The following CHD6 variants were observed in gnomAD, a reference collection of about 807,000 sequenced individuals.
CHD6 encodes the protein ATP-dependent chromatin remodeler CHD6.
Under a neutral mutation model 276.9 loss-of-function variants are expected in CHD6, and 50 were observed. The ratio of observed to expected loss-of-function variants is 0.18; its 90% CI spans 0.14 to 0.23. CHD6 has a LOEUF of 0.23. CHD6 is among the 10% of genes least tolerant of loss of function. The probability of loss-of-function intolerance (pLI) is 1.00; values close to 1 mark genes in which losing one functional copy is unlikely to be tolerated. For missense variants in CHD6, 2,564 were observed against 3,365.8 expected, an observed-to-expected ratio of 0.76 and a Z score of 5.89; for synonymous variants, 1,173 against 1,229.3, an observed-to-expected ratio of 0.95 and a Z score of 0.96.
At chr20:41,432,345 C>T (rs1405815068) in intron 27 of CHD6, among the ~76,000 whole-genome samples, 3 of 152,086 alleles carry the variant, frequency 2.0e-5, no homozygotes, top group East Asian at 3.9e-4. Context: ...AGTGGGAGCT[C>T]AGACTTCTAC....
At position 41,403,547 on chromosome 20, in the gene CHD6, G is replaced by C; in HGVS notation, c.*1046C>G. On this transcript the variant is annotated 3_prime_UTR_variant, in exon 37 of 37. Coordinates refer to ENST00000373233, the MANE Select transcript of CHD6 (RefSeq NM_032221.5). ...AATGGAGAAGTAACTTTTCATAGCT[G>C]TATTATAAAGGGTGGCACACATTTG... 2 of 1,063,198 alleles carry C rather than the reference G, an allele frequency of 1.9e-6. No individual in the cohort carries two copies. The highest frequency in any genetic ancestry group is 2.3e-6 in the Non-Finnish European group (2 of 877,924). 65.9% of individuals were successfully genotyped at this position (1,063,198 alleles called of 1,614,324 possible).
intron 1 of CHD6, among the ~76,000 whole-genome samples, chr20:41,566,339 G>A (rs886089924): frequency 1.3e-5 from 2 of 152,162 alleles, no homozygotes; most frequent in African/African-American, 4.8e-5. Flanking sequence ...CAGTGAGATA[G>A]TGAGGGAAGG....
intron 14 of CHD6, 97 bp downstream of exon 14, chr20:41,487,568 T>C: frequency 3.3e-6 from 4 of 1,217,604 alleles, no homozygotes; most frequent in Non-Finnish European, 1.2e-6. Flanking sequence ...ACCAGGAACG[T>C]GACAACTTGC....
At chr20:41,468,842 T>C (rs923922864) in intron 17 of CHD6, among the ~76,000 whole-genome samples, 10 of 151,758 alleles carry the variant, frequency 6.6e-5, no homozygotes, top group African/African-American at 2.2e-4. Flanking sequence ...TGTTGAAACC[T>C]CTTCTCTACA....
Position 41,426,151 on chromosome 20 carries a change from C to T in CHD6, c.4071G>A (p.Glu1357=). Residue 1357 remains glutamate (E), a splice_region_variant and synonymous_variant, in exon 28 of 37, where the codon GAG becomes GAA. Coordinates refer to ENST00000373233, the MANE Select transcript of CHD6 (RefSeq NM_032221.5). ...CGCCATCACCTCCATCACTGGAACT[C>T]TCCTAGGGATAAATAAAGCCATCCC... is the stretch of plus-strand genomic sequence containing the variant. ...DKVDGLQKQT[E]SSSDGGDGVF... The T allele has an allele frequency of 1.2e-6, 2 of 1,612,118 alleles. No homozygotes were observed.
At chr20:41,440,193 C>G (rs373090948) in intron 25 of CHD6, 64 bp from the exon 26 acceptor site, 2 of 1,478,582 alleles carry the variant, frequency 1.4e-6, no homozygotes, top group Non-Finnish European at 1.9e-6. Flanking sequence ...GCTTTGGGCA[C>G]TAGTCTTTTT....
intron 25 of CHD6, among the ~76,000 whole-genome samples, chr20:41,444,950 TTC>T (rs996950031): frequency 3.7e-4 from 56 of 152,204 alleles, no homozygotes; most frequent in African/African-American, 1.4e-3. Flanking sequence ...ATTTTAAAAT[TTC>T]TGTTGATTCA....
intron 16 of CHD6, among the ~76,000 whole-genome samples, chr20:41,474,948 C>T (rs2145790393): frequency 6.6e-6 from 1 of 152,198 alleles, no homozygotes; most frequent in African/African-American, 2.4e-5. Context: ...TTTGTTTCCT[C>T]TTTATTTAAA....
chr20:41,487,557 TA>T, intron 14 of CHD6, 107 bp downstream of exon 14: 1 of 1,088,380 alleles, frequency 9.2e-7, no homozygotes, highest in South Asian at 1.6e-5. Flanking sequence ...ACGCTCATTT[TA>T]CCAGGAACGT....
chr20:41,500,515 C>T, intron 5 of CHD6, among the ~76,000 whole-genome samples: 1 of 152,154 alleles, frequency 6.6e-6, no homozygotes, highest in East Asian at 1.9e-4. Context: ...AGAAGTTAAT[C>T]CAAAACCACA....
rs2044740413 is a variant in CHD6 at position 41,533,394 on chromosome 20, G to A, written c.210C>T (p.Thr70=). Residue 70 remains threonine (T), a synonymous_variant, in exon 3 of 37, where the codon ACC becomes ACT. Transcript: ENST00000373233. ...GGGATGTCATTTTCCTAGGAAAAAGGGTAGCAGCTTCCTCTTCAGCAGTAT... is the reference window on the plus strand; with the variant it reads ...GGGATGTCATTTTCCTAGGAAAAAGAGTAGCAGCTTCCTCTTCAGCAGTAT... ...DLYTAEEEAA[T]LFPRKMTSHN... 4 of 1,613,992 alleles carry A rather than the reference G, an allele frequency of 2.5e-6. No homozygotes were observed. Among genetic ancestry groups the A allele is most frequent in the Non-Finnish European group, 3.4e-6 (4 of 1,180,000 alleles).
chr20:41,528,450 A>G (rs906928873), intron 3 of CHD6, among the ~76,000 whole-genome samples: 10 of 152,226 alleles, frequency 6.6e-5, no homozygotes, highest in African/African-American at 2.4e-4. Flanking sequence ...TAGTATAAAC[A>G]TATGAGTTAT....
At chr20:41,442,666 GC>G (rs772450072) in intron 25 of CHD6, among the ~76,000 whole-genome samples, 15 of 152,172 alleles carry the variant, frequency 9.9e-5, no homozygotes, top group Non-Finnish European at 2.1e-4. Context: ...TATCTGAGAA[GC>G]TGTCACCTGG....
chr20:41,520,868 G>C (rs1046668333), intron 3 of CHD6, among the ~76,000 whole-genome samples: 2 of 151,914 alleles, frequency 1.3e-5, no homozygotes, highest in African/African-American at 4.8e-5. Flanking sequence ...GATTTCTAAA[G>C]ATATTTAAGT....
chr20:41,598,677 T>A (rs1345325701), intron 1 of CHD6, among the ~76,000 whole-genome samples: 1 of 152,200 alleles, frequency 6.6e-6, no homozygotes. Flanking sequence ...CAGGTACCAA[T>A]GTCAATTTCA....
chr20:41,413,593 G>A (rs1316498295), intron 34 of CHD6, 78 bp from the exon 35 acceptor site: 2 of 1,232,228 alleles, frequency 1.6e-6, no homozygotes, highest in Non-Finnish European at 2.2e-6. Context: ...CATGTAAGGT[G>A]TTATTTGAAT....
At chr20:41,518,401 T>C (rs2044302748) in intron 3 of CHD6, among the ~76,000 whole-genome samples, 1 of 152,158 alleles carries the variant, frequency 6.6e-6, no homozygotes, top group Non-Finnish European at 1.5e-5. Context: ...CCTCAAAATA[T>C]GACACTTCAC....
intron 7 of CHD6, chr20:41,497,922 C>T: frequency 2.0e-6 from 1 of 488,398 alleles, no homozygotes. Context: ...CCTTGGGCCC[C>T]ACTGAGTCTG....
chr20:41,586,279 T>C (rs1192679238), intron 1 of CHD6, among the ~76,000 whole-genome samples: 2 of 152,248 alleles, frequency 1.3e-5, no homozygotes, highest in African/African-American at 2.4e-5. Context: ...AGACCCGCCG[T>C]TGACTTTCAC....
Sources: allele counts gnomAD v4.1 joint callset (sites outside exome capture counted in the v4.1 genomes callset), GRCh38; gene constraint gnomAD v4.1.1; transcripts MANE v1.5; gene names NCBI Gene and HGNC (gene_info 2026-07-23, HGNC 2026-07-21).